BBS9: variants seen among roughly 807,000 people sequenced by gnomAD.
The protein encoded by BBS9 is protein PTHB1.
A neutral mutation model predicts 117.7 loss-of-function variants in BBS9; 89 were observed. That is an observed-to-expected ratio of 0.76 (90% CI 0.64 to 0.90). The LOEUF (loss-of-function observed/expected upper bound fraction) is 0.90, where lower values mean the gene tolerates loss of function less well. Ranked by LOEUF, BBS9 falls within the 40% of genes least tolerant of loss-of-function variation. BBS9 has a pLI of 0.00. For missense variants in BBS9, 982 were observed against 1,042.2 expected (o/e 0.94, Z 0.80); for synonymous variants, 379 against 370.9 (o/e 1.02, Z -0.25).
chr7:33,598,567 G>A (rs1323364037), intron 21 of BBS9, among the ~76,000 whole-genome samples: 1 of 152,180 alleles, frequency 6.6e-6, no homozygotes, highest in Non-Finnish European at 1.5e-5. Flanking sequence ...ACTAATGAAA[G>A]ATATTAATAG....
intron 21 of BBS9, among the ~76,000 whole-genome samples, chr7:33,539,092 G>A (rs1851885465): frequency 6.6e-6 from 1 of 152,112 alleles, no homozygotes; most frequent in Non-Finnish European, 1.5e-5. Flanking sequence ...AAAGGAACTT[G>A]GGAGAACTTG....
chr7:33,253,100 C>T (rs1796480435), intron 5 of BBS9, among the ~76,000 whole-genome samples: 2 of 152,138 alleles, frequency 1.3e-5, no homozygotes, highest in African/African-American at 2.4e-5. Context: ...GCAATAATTC[C>T]TTAATGTTAT....
intron 9 of BBS9, among the ~76,000 whole-genome samples, chr7:33,286,861 ATATCTCTG>A (rs759586701): frequency 1.1e-4 from 17 of 152,134 alleles, no homozygotes; most frequent in Non-Finnish European, 2.5e-4. Flanking sequence ...AAAAAGAGAA[ATATCTCTG>A]TATCTCTGTT....
intron 7 of BBS9, among the ~76,000 whole-genome samples, chr7:33,267,121 G>T (rs1296043465): frequency 6.6e-6 from 1 of 152,106 alleles, no homozygotes; most frequent in Non-Finnish European, 1.5e-5. Flanking sequence ...ATTTAAGACT[G>T]TTCTGTCTCA....
At chr7:33,481,729 T>A (rs567631385) in intron 19 of BBS9, among the ~76,000 whole-genome samples, 91 of 152,262 alleles carry the variant, frequency 6.0e-4, no homozygotes, top group Non-Finnish European at 1.1e-3. Flanking sequence ...TTAGCTGAAG[T>A]CTGTTTCTGT....
intron 20 of BBS9, among the ~76,000 whole-genome samples, chr7:33,517,564 A>G (rs997172130): frequency 3.9e-5 from 6 of 152,210 alleles, no homozygotes; most frequent in Admixed American, 2.0e-4. Context: ...GCTCAACAGC[A>G]TACACCCTTT....
At chr7:33,369,874 T>C (rs1822527446) in intron 17 of BBS9, among the ~76,000 whole-genome samples, 1 of 152,218 alleles carries the variant, frequency 6.6e-6, no homozygotes, top group East Asian at 1.9e-4. Flanking sequence ...ATCCTACAAA[T>C]GAAAGAACCT....
intron 19 of BBS9, among the ~76,000 whole-genome samples, chr7:33,406,975 T>G (rs1326661917): frequency 6.6e-6 from 1 of 152,044 alleles, no homozygotes; most frequent in African/African-American, 2.4e-5. Context: ...AATCTGAATG[T>G]TGGCCTGCCT....
At chr7:33,361,988 T>G (rs1238760345) in intron 16 of BBS9, among the ~76,000 whole-genome samples, 1 of 152,160 alleles carries the variant, frequency 6.6e-6, no homozygotes, top group Non-Finnish European at 1.5e-5. Context: ...ATCTCAACGG[T>G]TAAGTTGCTG....
In BBS9 at chr7:33,262,097, G is replaced by C. The variant is rs998635677; in HGVS notation, c.618-2193G>C. On this transcript the variant is annotated intron_variant, in intron 6 of 22. Transcript: ENST00000242067. ...AACCATAAAATAGATGCTCTTGTAA[G>C]TTTGTCATCATCTAATTTTACTGTC... 3.3e-5 allele frequency among the ~76,000 whole-genome samples: 5 copies of C among 152,114 alleles called. No individual in the cohort carries two copies. The South Asian group carries it at 8.3e-4, about 25-fold the overall frequency.
chr7:33,424,916 T>TA (rs774598304), intron 19 of BBS9, among the ~76,000 whole-genome samples: 19 of 152,130 alleles, frequency 1.2e-4, no homozygotes, highest in African/African-American at 3.6e-4. Context: ...CATGTTATGG[T>TA]AAAAAAATTT....
chr7:33,603,472 T>C (rs1484949579), intron 21 of BBS9, among the ~76,000 whole-genome samples: 1 of 152,138 alleles, frequency 6.6e-6, no homozygotes, highest in Non-Finnish European at 1.5e-5. Context: ...TCTGTGACAT[T>C]GGCAAGTTAC....
chr7:33,249,480 C>T (rs1044059362), intron 5 of BBS9, among the ~76,000 whole-genome samples: 2 of 151,494 alleles, frequency 1.3e-5, no homozygotes, highest in South Asian at 2.1e-4. Flanking sequence ...TCTGCCTCTA[C>T]CCCCCATCCC....
intron 9 of BBS9, among the ~76,000 whole-genome samples, chr7:33,293,005 C>CA (rs113240543): frequency 0.35 from 38,740 of 109,430 alleles, 5,614 homozygotes; most frequent in Admixed American, 0.48. Context: ...GACTCCGTCT[C>CA]AAAAAAAAAA....
intron 4 of BBS9, among the ~76,000 whole-genome samples, chr7:33,159,186 T>C (rs1794490437): frequency 6.6e-6 from 1 of 152,156 alleles, no homozygotes; most frequent in Non-Finnish European, 1.5e-5. Flanking sequence ...AAACTTGATT[T>C]AACAATTTTC....
intron 19 of BBS9, among the ~76,000 whole-genome samples, chr7:33,500,390 C>T (rs1301774109): frequency 6.6e-6 from 1 of 152,186 alleles, no homozygotes; most frequent in Non-Finnish European, 1.5e-5. Context: ...AGAAAGGGCA[C>T]CCAGTAGGAA....
intron 19 of BBS9, among the ~76,000 whole-genome samples, chr7:33,482,686 A>G (rs998241261): frequency 2.0e-5 from 3 of 152,218 alleles, no homozygotes; most frequent in Non-Finnish European, 4.4e-5. Context: ...ACATATTTCC[A>G]GTTCAGTTGA....
chr7:33,203,144 G>T (rs936093982), intron 5 of BBS9, among the ~76,000 whole-genome samples: 2 of 152,188 alleles, frequency 1.3e-5, no homozygotes, highest in Non-Finnish European at 2.9e-5. Context: ...GGTGGTAGGG[G>T]TTGGTAAGGT....
At chr7:33,524,863 C>T (rs1336850555) in intron 20 of BBS9, among the ~76,000 whole-genome samples, 3 of 152,160 alleles carry the variant, frequency 2.0e-5, no homozygotes, top group African/African-American at 7.2e-5. Flanking sequence ...TTGGATCTTT[C>T]CTGCTTTCTC....
Sources: gnomAD v4.1 joint callset for allele counts (sites outside exome capture counted in the v4.1 genomes callset) on GRCh38, gnomAD v4.1.1 for gene constraint, MANE v1.5 for transcripts, NCBI Gene and HGNC (gene_info 2026-07-23, HGNC 2026-07-21) for gene names.